The following TBL1X variants were observed in gnomAD, a reference collection of about 807,000 sequenced individuals.
The protein encoded by TBL1X is transducin beta like 1 X-linked.
Under a neutral mutation model 50.7 loss-of-function variants are expected in TBL1X, and 10 were observed. The observed-to-expected ratio is 0.20, with a 90% CI of 0.12 to 0.33. The LOEUF (loss-of-function observed/expected upper bound fraction) is 0.33. TBL1X is among the 10% of genes least tolerant of loss of function. TBL1X has a pLI of 1.00. For synonymous variants in TBL1X, 190 were observed against 214.7 expected (o/e 0.88, Z 1.01); for missense variants, 340 against 504.4 (o/e 0.67, Z 3.12).
chrX:9,639,101 T>C (rs1045429535), intron 2 of TBL1X, among the ~76,000 whole-genome samples: 3 of 111,479 alleles, frequency 2.7e-5, no homozygotes, highest in Non-Finnish European at 3.8e-5. Flanking sequence ...AATATCCTTA[T>C]GGTTTTTGTT....
At chrX:9,658,262 G>A (rs766625927) in intron 5 of TBL1X, among the ~76,000 whole-genome samples, 1 of 111,611 alleles carries the variant, frequency 9.0e-6, no homozygotes, top group Non-Finnish European at 1.9e-5. Context: ...CAGTGTGTGA[G>A]TCCATTGGCC....
intron 1 of TBL1X, among the ~76,000 whole-genome samples, chrX:9,484,315 C>G (rs942589170): frequency 1.0e-4 from 11 of 107,463 alleles, no homozygotes; most frequent in African/African-American, 2.9e-4. Context: ...CTCGTTTTTT[C>G]ATACACACAC....
intron 11 of TBL1X, among the ~76,000 whole-genome samples, chrX:9,694,974 A>G (rs1432134983): frequency 9.1e-6 from 1 of 110,092 alleles, no homozygotes; most frequent in African/African-American, 3.3e-5. Flanking sequence ...AAATAAATAA[A>G]TAAATAAATA....
chrX:9,471,627 AGCGAGTCAGAAG>A (rs1481183818), intron 1 of TBL1X, among the ~76,000 whole-genome samples: 3 of 112,072 alleles, frequency 2.7e-5, no homozygotes, highest in Admixed American at 1.9e-4. Flanking sequence ...AGAAACCCAC[AGCGAGTCAGAAG>A]GCGCTTTGTG....
In TBL1X at chrX:9,684,110, G is replaced by T. The variant is rs780647317; in HGVS notation, c.279G>T (p.Thr93=). Residue 93 remains threonine (T), a synonymous_variant, in exon 6 of 18, where the codon ACG becomes ACT. Coordinates refer to ENST00000645353, the MANE Select transcript of TBL1X (RefSeq NM_005647.4). Reference sequence around the variant, plus strand: ...TCAGCCAGTCCAACATCAATGGGACGCTAGTGCCACCGGCCGCCCTCATCT... The same window carrying T: ...TCAGCCAGTCCAACATCAATGGGACTCTAGTGCCACCGGCCGCCCTCATCT... The part of the protein sequence containing the change: ...SHISQSNING[T]LVPPAALISI... The T allele has an allele frequency of 1.2e-5, 15 of 1,209,623 alleles. No homozygotes were observed. Among genetic ancestry groups the T allele is most frequent in the Non-Finnish European group, 1.5e-5 (13 of 895,149 alleles).
At chrX:9,538,271 A>G (rs2082198948) in intron 2 of TBL1X, among the ~76,000 whole-genome samples, 1 of 111,531 alleles carries the variant, frequency 9.0e-6, no homozygotes. Flanking sequence ...GCTGCTCCCC[A>G]TTTTAGTAAT....
intron 5 of TBL1X, among the ~76,000 whole-genome samples, chrX:9,657,952 C>T (rs1205712933): frequency 8.9e-6 from 1 of 112,097 alleles, no homozygotes; most frequent in Non-Finnish European, 1.9e-5. Flanking sequence ...GTAATTCCCA[C>T]ATGTCATGGG....
At position 9,691,730 on chromosome X, in the gene TBL1X, G is replaced by C. The variant is rs767058278; in HGVS notation, c.749+19G>C. Reference sequence around the variant, plus strand: ...CCTCCGGGTAAGGATGTCAGGGTGGGGGGCGCTCCAGAGTTGGGGAGATGG... The same window carrying C: ...CCTCCGGGTAAGGATGTCAGGGTGGCGGGCGCTCCAGAGTTGGGGAGATGG... On this transcript the variant is annotated intron_variant, in intron 8 of 17. Transcript: ENST00000645353. 8.3e-7 allele frequency: 1 copy of C among 1,209,134 alleles called. No individual in the cohort carries two copies. The highest frequency in any genetic ancestry group is 1.7e-5 in the African/African-American group (1 of 57,500).
In TBL1X at chrX:9,716,389, T is replaced by C; in HGVS notation, c.*143T>C. The C allele has an allele frequency of 1.7e-6, 1 of 593,721 alleles. No homozygotes were observed. Among genetic ancestry groups the C allele is most frequent in the Admixed American group, 4.0e-5 (1 of 25,243 alleles). 48.9% of individuals were successfully genotyped at this position (593,721 alleles called of 1,213,427 possible). A position where few individuals can be genotyped will look rare whatever the true frequency, so the allele number is the denominator to read the frequency against. ...ACCAACTCGTCTCTGGCCGCAGGAGTCTATATGTTTTCGTAATCTTCATCA... is the reference window on the plus strand; with the variant it reads ...ACCAACTCGTCTCTGGCCGCAGGAGCCTATATGTTTTCGTAATCTTCATCA... On this transcript the variant is annotated 3_prime_UTR_variant, in exon 18 of 18. Transcript: ENST00000645353.
chrX:9,587,859 A>G (rs2082479179), intron 2 of TBL1X, among the ~76,000 whole-genome samples: 2 of 81,294 alleles, frequency 2.5e-5, no homozygotes, highest in Non-Finnish European at 4.3e-5. Context: ...GCGTTTGTCT[A>G]CTCTAGGAAC....
Position 9,653,829 on chromosome X carries a change from C to T in TBL1X, c.103+140C>T, listed in dbSNP as rs187562226. 1.1e-4 allele frequency: 59 copies of T among 549,018 alleles called. No homozygotes were observed. The East Asian group carries it at 2.2e-3, about 20-fold the overall frequency. 45.2% of individuals were successfully genotyped at this position (549,018 alleles called of 1,213,427 possible). On this transcript the variant is annotated intron_variant, in intron 4 of 17. Coordinates refer to ENST00000645353, the MANE Select transcript of TBL1X (RefSeq NM_005647.4). ...ATCCCTCCACGTCTGCCTGAGTGCACTTTGGGATTCCATTCCTGCCGCTTA... is the reference window on the plus strand; with the variant it reads ...ATCCCTCCACGTCTGCCTGAGTGCATTTTGGGATTCCATTCCTGCCGCTTA...
At position 9,681,130 on chromosome X, in the gene TBL1X, G is replaced by A. The variant is rs750338830; in HGVS notation, c.212-2913G>A. 2.1e-4 allele frequency among the ~76,000 whole-genome samples: 23 copies of A among 111,686 alleles called. No homozygotes were observed. In the Middle Eastern group the frequency reaches 0.028, roughly 135 times the overall value. ...AAACCCAGATGAGAGAGAAATCAAG[G>A]GCACACTCCCTCCGTGGGTTAGACT... On this transcript the variant is annotated intron_variant, in intron 5 of 17. Coordinates refer to ENST00000645353, the MANE Select transcript of TBL1X (RefSeq NM_005647.4).
At chrX:9,664,917 G>T (rs2082918473) in intron 5 of TBL1X, among the ~76,000 whole-genome samples, 1 of 111,109 alleles carries the variant, frequency 9.0e-6, no homozygotes, top group Admixed American at 9.5e-5. Context: ...CTATTACAAT[G>T]GAGAGAGAGT....
At chrX:9,550,056 C>T (rs1040086949) in intron 2 of TBL1X, among the ~76,000 whole-genome samples, 1 of 111,799 alleles carries the variant, frequency 8.9e-6, no homozygotes, top group African/African-American at 3.3e-5. Context: ...TGCACCACAA[C>T]AGCAGTCACT....
chrX:9,513,795 C>T (rs1222478419), intron 2 of TBL1X, among the ~76,000 whole-genome samples: 1 of 109,299 alleles, frequency 9.1e-6, no homozygotes, highest in African/African-American at 3.3e-5. Context: ...GCACATAGTT[C>T]TACAGGCTGT....
At chrX:9,614,147 C>T in intron 2 of TBL1X, among the ~76,000 whole-genome samples, 1 of 111,335 alleles carries the variant, frequency 9.0e-6, no homozygotes, top group Non-Finnish European at 1.9e-5. Context: ...GATAAAATTC[C>T]AACCTAAACC....
At chrX:9,491,480 A>G (rs1211275610) in intron 1 of TBL1X, among the ~76,000 whole-genome samples, 1 of 106,165 alleles carries the variant, frequency 9.4e-6, no homozygotes, top group Non-Finnish European at 1.9e-5. Flanking sequence ...AGCTGAGACT[A>G]CAGGTGCATA....
chrX:9,667,626 T>G (rs762231316), intron 5 of TBL1X, among the ~76,000 whole-genome samples: 2 of 112,307 alleles, frequency 1.8e-5, no homozygotes, highest in Non-Finnish European at 3.8e-5. Context: ...ATTTTGCTTT[T>G]TCTTTTAAAC....
intron 7 of TBL1X, among the ~76,000 whole-genome samples, chrX:9,690,844 G>A (rs955723262): frequency 2.7e-5 from 3 of 111,068 alleles, no homozygotes; most frequent in Non-Finnish European, 5.7e-5. Flanking sequence ...TCCTCCCACC[G>A]CAGCCTCCTG....
Sources: allele counts gnomAD v4.1 joint callset (sites outside exome capture counted in the v4.1 genomes callset), GRCh38; gene constraint gnomAD v4.1.1; transcripts MANE v1.5; gene names NCBI Gene and HGNC (gene_info 2026-07-23, HGNC 2026-07-21).